CNTN5: variants seen among roughly 807,000 people sequenced by gnomAD.
CNTN5 encodes the protein contactin 5.
CNTN5 carries 77 observed loss-of-function variants against 129.1 expected under a neutral mutation model. The ratio of observed to expected loss-of-function variants is 0.60; its 90% CI spans 0.50 to 0.72. CNTN5 has a LOEUF of 0.72. Ranked by LOEUF, CNTN5 falls within the 30% of genes least tolerant of loss-of-function variation. The pLI, the probability that CNTN5 is intolerant of heterozygous loss-of-function variation, is 0.00. For synonymous variants in CNTN5, 509 were observed against 465.6 expected (o/e 1.09, Z -1.20); for missense variants, 1,478 against 1,328.8 (o/e 1.11, Z -1.75).
rs191207060 is a variant in CNTN5 at position 100,100,776 on chromosome 11, A to G, written c.1580+26482A>G. On this transcript the variant is annotated intron_variant, in intron 13 of 24. Transcript: ENST00000524871. ...GTTTGCATCTTAGAATTTGGTTAGC[A>G]GATATACTTATAAGACTTTGCAGGT... Among the ~76,000 whole-genome samples the G allele has an allele frequency of 2.1e-4, 32 of 152,252 alleles. No individual in the cohort carries two copies. The East Asian group carries it at 2.9e-3, about 14-fold the overall frequency.
At chr11:99,340,411 G>A (rs930767574) in intron 2 of CNTN5, among the ~76,000 whole-genome samples, 9 of 152,078 alleles carry the variant, frequency 5.9e-5, no homozygotes, top group Non-Finnish European at 8.8e-5. Flanking sequence ...CCAAAACATA[G>A]ATTACAGAGA....
chr11:99,242,420 G>C (rs1326456491), intron 1 of CNTN5, among the ~76,000 whole-genome samples: 1 of 152,032 alleles, frequency 6.6e-6, no homozygotes, highest in Non-Finnish European at 1.5e-5. Flanking sequence ...ATTCTTCCCT[G>C]TTAGTAATTT....
chr11:99,668,121 T>G (rs1246218997), intron 3 of CNTN5, among the ~76,000 whole-genome samples: 4 of 152,142 alleles, frequency 2.6e-5, no homozygotes, highest in Non-Finnish European at 5.9e-5. Flanking sequence ...CATAGTATAC[T>G]TGTCATTTCT....
chr11:100,238,431 GGA>G (rs1949666399), intron 16 of CNTN5, among the ~76,000 whole-genome samples: 1 of 130,590 alleles, frequency 7.7e-6, no homozygotes, highest in Non-Finnish European at 1.6e-5. Context: ...AAAAAAAAAA[GGA>G]GAAAGAAGAA....
intron 7 of CNTN5, among the ~76,000 whole-genome samples, chr11:99,931,884 G>C (rs1367419778): frequency 6.6e-6 from 1 of 152,180 alleles, no homozygotes; most frequent in Admixed American, 6.5e-5. Context: ...TCTAATTCCA[G>C]AGAGTATCTA....
At chr11:100,083,872 T>C (rs2137947339) in intron 13 of CNTN5, among the ~76,000 whole-genome samples, 1 of 152,248 alleles carries the variant, frequency 6.6e-6, no homozygotes, top group African/African-American at 2.4e-5. Context: ...TATTTTCTTT[T>C]TCTTGACCAC....
intron 2 of CNTN5, among the ~76,000 whole-genome samples, chr11:99,469,662 G>T (rs1410475978): frequency 2.0e-5 from 3 of 152,182 alleles, no homozygotes; most frequent in South Asian, 2.1e-4. Context: ...TAAATGGAAA[G>T]AAATTAAATT....
intron 2 of CNTN5, among the ~76,000 whole-genome samples, chr11:99,420,958 G>A (rs942719900): frequency 3.3e-5 from 5 of 152,140 alleles, no homozygotes; most frequent in Non-Finnish European, 7.4e-5. Flanking sequence ...CAGCTTCTCG[G>A]AAGCATGGAT....
chr11:100,324,805 T>G (rs567585318), intron 21 of CNTN5, among the ~76,000 whole-genome samples: 2 of 152,312 alleles, frequency 1.3e-5, no homozygotes, highest in African/African-American at 4.8e-5. Flanking sequence ...TTTTAAACTT[T>G]CTCACCTCAT....
intron 13 of CNTN5, among the ~76,000 whole-genome samples, chr11:100,146,513 A>C (rs11222970): frequency 0.038 from 5,784 of 152,190 alleles, 355 homozygotes; most frequent in African/African-American, 0.13. Flanking sequence ...CTCTTAAGAA[A>C]CATTCTCTCA....
At chr11:100,047,726 G>A (rs757693505) in intron 9 of CNTN5, among the ~76,000 whole-genome samples, 2 of 152,194 alleles carry the variant, frequency 1.3e-5, no homozygotes, top group Non-Finnish European at 2.9e-5. Context: ...CTCTGTGACA[G>A]TGTTTCTAGA....
At chr11:99,485,625 G>A (rs1044038615) in intron 2 of CNTN5, among the ~76,000 whole-genome samples, 2 of 151,910 alleles carry the variant, frequency 1.3e-5, no homozygotes, top group Admixed American at 6.6e-5. Flanking sequence ...AAAGCATCCT[G>A]CGGAATAAAA....
intron 3 of CNTN5, among the ~76,000 whole-genome samples, chr11:99,748,336 C>G (rs1009297413): frequency 1.3e-5 from 2 of 151,970 alleles, no homozygotes; most frequent in African/African-American, 4.8e-5. Flanking sequence ...GCCATCAAAT[C>G]CTGGGCTTAT....
intron 1 of CNTN5, among the ~76,000 whole-genome samples, chr11:99,028,702 C>T (rs1275542611): frequency 6.8e-6 from 1 of 146,876 alleles, no homozygotes; most frequent in Non-Finnish European, 1.5e-5. Context: ...TATAGCCAAA[C>T]TCAAGGTAAA....
chr11:99,934,332 C>T (rs1335922987), intron 7 of CNTN5, among the ~76,000 whole-genome samples: 1 of 152,114 alleles, frequency 6.6e-6, no homozygotes, highest in African/African-American at 2.4e-5. Context: ...AGTTTCTAGA[C>T]AGAAGCATTA....
chr11:99,303,008 A>G (rs1346804539), intron 1 of CNTN5, among the ~76,000 whole-genome samples: 2 of 151,652 alleles, frequency 1.3e-5, no homozygotes, highest in Non-Finnish European at 3.0e-5. Flanking sequence ...CAATCTATAA[A>G]TATTTTTCAG....
chr11:99,168,478 G>T (rs564611373), intron 1 of CNTN5, among the ~76,000 whole-genome samples: 1 of 152,198 alleles, frequency 6.6e-6, no homozygotes, highest in South Asian at 2.1e-4. Context: ...TACTTGGGAG[G>T]TTGAGGCAGG....
intron 1 of CNTN5, among the ~76,000 whole-genome samples, chr11:99,188,553 T>C (rs937862869): frequency 1.4e-4 from 21 of 151,828 alleles, no homozygotes; most frequent in Admixed American, 3.3e-4. Context: ...CTGCAATTAT[T>C]CAAAACATGA....
chr11:99,422,829 A>C (rs181741127), intron 2 of CNTN5, among the ~76,000 whole-genome samples: 7 of 152,170 alleles, frequency 4.6e-5, no homozygotes, highest in Admixed American at 2.0e-4. Context: ...GAGTAGTTTG[A>C]ACAAGGGGTA....
Sources: allele counts gnomAD v4.1 joint callset (sites outside exome capture counted in the v4.1 genomes callset), GRCh38; gene constraint gnomAD v4.1.1; transcripts MANE v1.5; gene names NCBI Gene and HGNC (gene_info 2026-07-23, HGNC 2026-07-21).